NXPE2: variants seen among roughly 807,000 people sequenced by gnomAD.
NXPE2 encodes the protein NXPE family member 2.
A neutral mutation model predicts 34.4 loss-of-function variants in NXPE2; 34 were observed. The observed-to-expected ratio is 0.99, with a 90% CI of 0.75 to 1.31. The LOEUF is 1.31. NXPE2 is among the 40% of genes most tolerant of loss of function. The pLI, the probability that NXPE2 is intolerant of heterozygous loss-of-function variation, is 0.00. For missense variants in NXPE2, 649 were observed against 672.5 expected, an observed-to-expected ratio of 0.97 and a Z score of 0.39; for synonymous variants, 235 against 231.3, an observed-to-expected ratio of 1.02 and a Z score of -0.15.
chr11:114,677,357 G>A (rs948432183), upstream of NXPE2, among the ~76,000 whole-genome samples: 1 of 152,044 alleles, frequency 6.6e-6, no homozygotes, highest in African/African-American at 2.4e-5. Flanking sequence ...CACAATGTCT[G>A]CATACATCAA....
chr11:114,726,423 G>A, the NXPE2 span, among the ~76,000 whole-genome samples: 1 of 151,866 alleles, frequency 6.6e-6, no homozygotes, highest in South Asian at 2.1e-4. Flanking sequence ...TGTTGCCCAG[G>A]CTGGTCTCAA....
chr11:114,671,438 C>A, the NXPE2 span, among the ~76,000 whole-genome samples: 1 of 151,750 alleles, frequency 6.6e-6, no homozygotes, highest in Non-Finnish European at 1.5e-5. Context: ...ATCCAAGATA[C>A]TTAATAAAGT....
chr11:114,559,818 ATC>A, the NXPE2 span: 1 of 152,368 alleles, frequency 6.6e-6, no homozygotes, highest in South Asian at 2.1e-4. Context: ...GATCTCTCCT[ATC>A]TGGGTGGCTG....
the NXPE2 span, among the ~76,000 whole-genome samples, chr11:114,620,689 C>T: frequency 6.6e-6 from 1 of 150,380 alleles, no homozygotes; most frequent in African/African-American, 2.4e-5. Flanking sequence ...CAGGTAACCA[C>T]TGTTACCTGG....
intron 3 of NXPE2, among the ~76,000 whole-genome samples, chr11:114,701,597 T>C (rs1240288497): frequency 6.6e-6 from 1 of 152,224 alleles, no homozygotes; most frequent in Non-Finnish European, 1.5e-5. Context: ...GTAGTGCATG[T>C]GCAAGGAACA....
At chr11:114,575,689 A>G in the NXPE2 span, among the ~76,000 whole-genome samples, 1 of 152,180 alleles carries the variant, frequency 6.6e-6, no homozygotes, top group African/African-American at 2.4e-5. Context: ...CACCGCCCAA[A>G]GAAATTATAG....
At chr11:114,785,938 GAC>G in the NXPE2 span, among the ~76,000 whole-genome samples, 1 of 152,164 alleles carries the variant, frequency 6.6e-6, no homozygotes, top group Non-Finnish European at 1.5e-5. Flanking sequence ...ATCACTCAGA[GAC>G]ACTGGGACAG....
the NXPE2 span, among the ~76,000 whole-genome samples, chr11:114,565,013 G>A: frequency 6.6e-6 from 1 of 152,080 alleles, no homozygotes; most frequent in African/African-American, 2.4e-5. Flanking sequence ...GGAACCATTT[G>A]TATTGATATC....
the NXPE2 span, among the ~76,000 whole-genome samples, chr11:114,506,504 C>A: frequency 7.9e-5 from 12 of 152,160 alleles, no homozygotes; most frequent in South Asian, 2.5e-3. Flanking sequence ...TCAGCAAATG[C>A]AAAAGAACTG....
At chr11:114,676,984 C>T (rs1165411138), upstream of NXPE2, among the ~76,000 whole-genome samples, 1 of 152,004 alleles carries the variant, frequency 6.6e-6, no homozygotes, top group Non-Finnish European at 1.5e-5. Flanking sequence ...ACCTGGAGGA[C>T]ATTATGCTGG....
chr11:114,519,392 A>C, the NXPE2 span, among the ~76,000 whole-genome samples: 1 of 152,218 alleles, frequency 6.6e-6, no homozygotes, highest in Non-Finnish European at 1.5e-5. Flanking sequence ...CTCTCTAAAG[A>C]GATGGTAAAT....
the NXPE2 span, among the ~76,000 whole-genome samples, chr11:114,773,567 T>A: frequency 8.5e-5 from 13 of 152,182 alleles, no homozygotes; most frequent in African/African-American, 3.1e-4. Context: ...CCTCTTCATG[T>A]CATCCACTGG....
the NXPE2 span, among the ~76,000 whole-genome samples, chr11:114,623,952 C>T: frequency 6.6e-6 from 1 of 152,048 alleles, no homozygotes; most frequent in African/African-American, 2.4e-5. Flanking sequence ...GGGGTAACCA[C>T]TGTTATCCAG....
chr11:114,479,207 A>G, the NXPE2 span, among the ~76,000 whole-genome samples: 1 of 152,200 alleles, frequency 6.6e-6, no homozygotes, highest in Non-Finnish European at 1.5e-5. Flanking sequence ...AATTAGTCCC[A>G]ATACTTTCCT....
chr11:114,785,665 CT>C, the NXPE2 span, among the ~76,000 whole-genome samples: 4 of 152,082 alleles, frequency 2.6e-5, no homozygotes, highest in African/African-American at 9.7e-5. Flanking sequence ...TGTCGCTGGC[CT>C]AATTGATTAA....
chr11:114,588,959 T>C, the NXPE2 span, among the ~76,000 whole-genome samples: 1 of 152,078 alleles, frequency 6.6e-6, no homozygotes, highest in African/African-American at 2.4e-5. Context: ...GTGGCCACCT[T>C]AGTCTTTTAT....
chr11:114,658,782 G>A, the NXPE2 span, among the ~76,000 whole-genome samples: 1 of 152,232 alleles, frequency 6.6e-6, no homozygotes, highest in South Asian at 2.1e-4. Context: ...CACTGAGAAG[G>A]CCTTTCCCTA....
At chr11:114,571,449 T>G in the NXPE2 span, 1 of 1,609,176 alleles carries the variant, frequency 6.2e-7, no homozygotes, top group Non-Finnish European at 8.5e-7. Flanking sequence ...TTTTCCAGAT[T>G]CATGCAGATC....
At chr11:114,721,355 T>C in the NXPE2 span, among the ~76,000 whole-genome samples, 2 of 151,926 alleles carry the variant, frequency 1.3e-5, no homozygotes, top group African/African-American at 4.8e-5. Flanking sequence ...AGGAGCATAC[T>C]TTAGTGATTG....
Sources: gnomAD v4.1 joint callset for allele counts (sites outside exome capture counted in the v4.1 genomes callset) on GRCh38, gnomAD v4.1.1 for gene constraint, MANE v1.5 for transcripts, NCBI Gene and HGNC (gene_info 2026-07-23, HGNC 2026-07-21) for gene names.